PLEKHA5: variants seen among roughly 807,000 people sequenced by gnomAD.
The protein encoded by PLEKHA5 is pleckstrin homology domain containing A5.
PLEKHA5 carries 55 observed loss-of-function variants against 181.9 expected under a neutral mutation model. The ratio of observed to expected loss-of-function variants is 0.30; its 90% confidence interval spans 0.24 to 0.38. The LOEUF (loss-of-function observed/expected upper bound fraction) is 0.38, where lower values mean the gene tolerates loss of function less well. Ranked by LOEUF, PLEKHA5 falls within the 10% of genes least tolerant of loss-of-function variation. PLEKHA5 has a pLI of 1.00. For synonymous variants in PLEKHA5, 535 were observed against 529.4 expected, an observed-to-expected ratio of 1.01 and a Z score of -0.15; for missense variants, 1,432 against 1,549.5, an observed-to-expected ratio of 0.92 and a Z score of 1.27.
chr12:19,148,422 C>A (rs1337033435), intron 3 of PLEKHA5, among the ~76,000 whole-genome samples: 2 of 152,228 alleles, frequency 1.3e-5, no homozygotes, highest in African/African-American at 4.8e-5. Flanking sequence ...TGCTCAGGCA[C>A]GTACTGCTGG....
chr12:19,162,886 A>G (rs557278783), intron 3 of PLEKHA5, among the ~76,000 whole-genome samples: 1 of 152,302 alleles, frequency 6.6e-6, no homozygotes, highest in African/African-American at 2.4e-5. Flanking sequence ...AGGTGTGGCT[A>G]ACACAACTAA....
At chr12:19,227,706 C>G (rs1452498701) in intron 3 of PLEKHA5, among the ~76,000 whole-genome samples, 1 of 152,146 alleles carries the variant, frequency 6.6e-6, no homozygotes, top group Non-Finnish European at 1.5e-5. Flanking sequence ...AAATGTAGTA[C>G]TTTTGCAGGG....
intron 3 of PLEKHA5, chr12:19,207,754 A>G (rs1271095626): frequency 6.6e-6 from 1 of 152,326 alleles, no homozygotes; most frequent in South Asian, 2.1e-4. Flanking sequence ...ACATTTGGCA[A>G]GCATTTCAGT....
chr12:19,142,382 T>C (rs1022224472), intron 3 of PLEKHA5, among the ~76,000 whole-genome samples: 6 of 152,074 alleles, frequency 3.9e-5, no homozygotes, highest in African/African-American at 1.4e-4. Context: ...AAAAATTTTT[T>C]TAAAAGCTAT....
intron 3 of PLEKHA5, among the ~76,000 whole-genome samples, chr12:19,161,619 G>GT (rs2042990511): frequency 6.6e-6 from 1 of 152,034 alleles, no homozygotes; most frequent in Non-Finnish European, 1.5e-5. Flanking sequence ...GCGAACCACC[G>GT]TTTTAAACTG....
chr12:19,145,412 C>A (rs1356715392), intron 3 of PLEKHA5, among the ~76,000 whole-genome samples: 3 of 152,112 alleles, frequency 2.0e-5, no homozygotes, highest in African/African-American at 7.2e-5. Flanking sequence ...CCATACTCTG[C>A]TCCCCAAGAA....
chr12:19,141,534 C>A (rs2037294987), intron 3 of PLEKHA5, among the ~76,000 whole-genome samples: 1 of 152,182 alleles, frequency 6.6e-6, no homozygotes, highest in Non-Finnish European at 1.5e-5. Context: ...CCAGGGAGAC[C>A]TGAGCATCTG....
chr12:19,341,354 T>C (rs182067642), intron 21 of PLEKHA5, among the ~76,000 whole-genome samples: 6 of 152,280 alleles, frequency 3.9e-5, no homozygotes, highest in Admixed American at 3.9e-4. Flanking sequence ...AAAATTAGAT[T>C]TGCATTGTAT....
At chr12:19,304,724 T>A (rs972539549) in intron 15 of PLEKHA5, among the ~76,000 whole-genome samples, 30 of 150,546 alleles carry the variant, frequency 2.0e-4, no homozygotes, top group African/African-American at 7.1e-4. Context: ...AGGTTTTAAA[T>A]CTCCACAGGT....
chr12:19,291,222 A>T (rs1403463900), intron 14 of PLEKHA5, among the ~76,000 whole-genome samples: 1 of 152,242 alleles, frequency 6.6e-6, no homozygotes. Context: ...AATGTTAAAA[A>T]TTAATTTTAA....
chr12:19,202,316 T>C (rs1226012738), intron 3 of PLEKHA5, among the ~76,000 whole-genome samples: 1 of 152,094 alleles, frequency 6.6e-6, no homozygotes, highest in Non-Finnish European at 1.5e-5. Context: ...TGAGGATTTG[T>C]GAATATTAAA....
intron 3 of PLEKHA5, among the ~76,000 whole-genome samples, chr12:19,173,939 C>T (rs2151724147): frequency 1.3e-5 from 2 of 152,278 alleles, no homozygotes; most frequent in East Asian, 3.9e-4. Context: ...ACTGAAGCTA[C>T]TGTTGCTATA....
At chr12:19,179,812 GAC>G (rs1422007867) in intron 3 of PLEKHA5, among the ~76,000 whole-genome samples, 5 of 152,050 alleles carry the variant, frequency 3.3e-5, no homozygotes, top group African/African-American at 1.2e-4. Flanking sequence ...CATTTGTAAA[GAC>G]ACACAATAAT....
intron 29 of PLEKHA5, among the ~76,000 whole-genome samples, chr12:19,364,455 G>A (rs1308594758): frequency 6.6e-6 from 1 of 151,862 alleles, no homozygotes; most frequent in Non-Finnish European, 1.5e-5. Flanking sequence ...AGGTCTCAGT[G>A]AGCCGAGATC....
chr12:19,265,399 G>C (rs2070009849), intron 7 of PLEKHA5, among the ~76,000 whole-genome samples: 1 of 152,150 alleles, frequency 6.6e-6, no homozygotes, highest in Non-Finnish European at 1.5e-5. Flanking sequence ...TGAGACCTTT[G>C]AGCAAAGCCT....
At chr12:19,223,250 T>C (rs1047433820) in intron 3 of PLEKHA5, among the ~76,000 whole-genome samples, 1 of 152,146 alleles carries the variant, frequency 6.6e-6, no homozygotes, top group African/African-American at 2.4e-5. Context: ...AATATCATAA[T>C]TGCCACCTGG....
chr12:19,350,018 A>G (rs976121529), intron 25 of PLEKHA5, among the ~76,000 whole-genome samples: 2 of 152,170 alleles, frequency 1.3e-5, no homozygotes, highest in Non-Finnish European at 2.9e-5. Context: ...AGACTGAGAC[A>G]GGAGAATCAC....
At chr12:19,239,028 G>A (rs1256588173) in intron 3 of PLEKHA5, among the ~76,000 whole-genome samples, 1 of 152,130 alleles carries the variant, frequency 6.6e-6, no homozygotes. Context: ...AGTAAACTCA[G>A]ATGGAATAGT....
chr12:19,183,915 A>T lies in PLEKHA5; in HGVS notation c.227+51465A>T, dbSNP rs560788385. 3.9e-5 allele frequency among the ~76,000 whole-genome samples: 6 copies of T among 152,104 alleles called. No individual in the cohort carries two copies. In the East Asian group the frequency reaches 9.7e-4, roughly 25 times the overall value. ...TTTTTTGTAGAGACAGGGTTTCACC[A>T]TGTTGGCCAGGCTGGTCTCGAACTC... On this transcript the variant is annotated intron_variant, in intron 3 of 31. Transcript: ENST00000429027.
Sources: gnomAD v4.1 joint callset for allele counts (sites outside exome capture counted in the v4.1 genomes callset) on GRCh38, gnomAD v4.1.1 for gene constraint, MANE v1.5 for transcripts, NCBI Gene and HGNC (gene_info 2026-07-23, HGNC 2026-07-21) for gene names.